Variants in ALMS1 observed in about 807,000 individuals in gnomAD.
ALMS1 encodes centrosome-associated protein ALMS1.
In ALMS1, 271 loss-of-function variants were observed where a neutral mutation model predicts 352.2. That is an observed-to-expected ratio of 0.77 (90% CI 0.70 to 0.85). ALMS1 has a LOEUF of 0.85. ALMS1 is among the 40% of genes least tolerant of loss of function. ALMS1 has a pLI of 0.00. For missense variants in ALMS1, 5,445 were observed against 4,870.7 expected (o/e 1.12, Z -3.51); for synonymous variants, 1,865 against 1,761.2 (o/e 1.06, Z -1.48).
At position 73,532,564 on chromosome 2, in the gene ALMS1, C is replaced by T. The variant is rs186142539; in HGVS notation, c.9782-2260C>T. ...CCTACCACTGATATTCATTCAAGGC[C>T]CAAGGGCTCTTTCGTCACCTTGGGT... is the stretch of plus-strand genomic sequence containing the variant. On this transcript the variant is annotated intron_variant, in intron 11 of 22. Transcript: ENST00000613296. Among the ~76,000 whole-genome samples, 18 of 152,228 alleles carry T rather than the reference C, an allele frequency of 1.2e-4. No homozygotes were observed. In the East Asian group the frequency reaches 2.3e-3, roughly 20 times the overall value.
chr2:73,472,417 A>G (rs1672486382), intron 9 of ALMS1, among the ~76,000 whole-genome samples: 1 of 152,116 alleles, frequency 6.6e-6, no homozygotes, highest in Non-Finnish European at 1.5e-5. Flanking sequence ...AATATGATAA[A>G]GAATATGTAT....
rs797045228 is a variant in ALMS1 at position 73,450,679 on chromosome 2, T to TA, written c.4153dup (p.Thr1385AsnfsTer15). On this transcript the variant is annotated frameshift_variant, in exon 8 of 23. Coordinates refer to ENST00000613296, the MANE Select transcript of ALMS1 (RefSeq NM_001378454.1). LOFTEE classifies it high-confidence loss of function. ...TAACCTCTACTTCTTACTCACAACA[T>TA]ACAGAGAAGCCGAGTATTTTCTACC... 31 of 1,611,742 alleles carry TA rather than the reference T, an allele frequency of 1.9e-5. No homozygotes were observed. The highest frequency in any genetic ancestry group is 2.5e-5 in the Non-Finnish European group (30 of 1,179,536).
At chr2:73,540,867 G>C (rs1009619812) in intron 12 of ALMS1, among the ~76,000 whole-genome samples, 8 of 152,166 alleles carry the variant, frequency 5.3e-5, no homozygotes, top group East Asian at 1.9e-4. Flanking sequence ...CACCCAGATT[G>C]ATAAAGCAAG....
chr2:73,385,831 TC>T, upstream of ALMS1: 1 of 355,820 alleles, frequency 2.8e-6, no homozygotes, highest in Non-Finnish European at 5.3e-6. Context: ...CCTCCCCCCC[TC>T]CTCCTCCTCC....
chr2:73,417,091 T>TCA (rs1671194628), intron 2 of ALMS1, among the ~76,000 whole-genome samples: 1 of 151,778 alleles, frequency 6.6e-6, no homozygotes, highest in African/African-American at 2.4e-5. Context: ...AAAGCCTGTC[T>TCA]CACACACACA....
Position 73,424,784 on chromosome 2 carries a change from TG to T in ALMS1, c.1120del (p.Asp374ThrfsTer2). On this transcript the variant is annotated frameshift_variant, in exon 5 of 23. Coordinates refer to ENST00000613296, the MANE Select transcript of ALMS1 (RefSeq NM_001378454.1). LOFTEE classifies it high-confidence loss of function. ...ATCAAGTTTCAGTTGCAACTTCATT[TG>T]ACATAACTGATGAAAACATAGCTAC... ...KDQVSVATSF[D>X]ITDENIATKR... The T allele has an allele frequency of 6.2e-7, 1 of 1,613,446 alleles. No individual in the cohort carries two copies. Among genetic ancestry groups the T allele is most frequent in the South Asian group, 1.1e-5 (1 of 91,022 alleles).
In ALMS1 at chr2:73,449,401, C is replaced by G. The variant is rs541122374; in HGVS notation, c.2874C>G (p.Ser958Arg). Residue 958 changes from serine to arginine, a missense_variant, in exon 8 of 23, where the codon AGC (serine) becomes AGG (arginine). Coordinates refer to ENST00000613296, the MANE Select transcript of ALMS1 (RefSeq NM_001378454.1). ...PTVSSNSHSH[S>R]EKSSVFYQQE... ...TGTCCTCTAATTCTCACTCACATAG[C>G]GAGAAATCTAGTGTTTTCTACCAGC... The G allele has an allele frequency of 6.2e-7, 1 of 1,613,960 alleles. No homozygotes were observed. The highest frequency in any genetic ancestry group is 1.3e-5 in the African/African-American group (1 of 74,988).
intron 2 of ALMS1, among the ~76,000 whole-genome samples, chr2:73,410,084 A>G (rs1365127241): frequency 6.6e-6 from 1 of 152,158 alleles, no homozygotes; most frequent in Non-Finnish European, 1.5e-5. Context: ...TCAAATGTTA[A>G]TCTCATTCAT....
At chr2:73,419,372 G>A (rs955118679) in intron 3 of ALMS1, 54 bp downstream of exon 3, 25 of 1,549,008 alleles carry the variant, frequency 1.6e-5, no homozygotes, top group Admixed American at 3.3e-5. Flanking sequence ...TAAGTTTTGC[G>A]GGGACTGCAA....
chr2:73,450,426 C>A lies in ALMS1; in HGVS notation c.3899C>A (p.Ser1300Ter), dbSNP rs769219669. 6.2e-7 allele frequency: 1 copy of A among 1,613,700 alleles called. No individual in the cohort carries two copies. Among genetic ancestry groups the A allele is most frequent in the East Asian group, 2.2e-5 (1 of 44,866 alleles). Residue 1300 changes from serine to a stop codon, truncating the protein, a stop_gained, in exon 8 of 23, where the codon TCG (serine) becomes TAG (stop). Coordinates refer to ENST00000613296, the MANE Select transcript of ALMS1 (RefSeq NM_001378454.1). LOFTEE classifies it high-confidence loss of function. The part of the protein sequence containing the change: ...REKPSIFYQQ[S>*]LPSSHLTEEA... ...AAGCCCAGCATTTTCTACCAACAGT[C>A]GTTGCCAAGTAGTCATCTAACTGAA...
intron 1 of ALMS1, among the ~76,000 whole-genome samples, chr2:73,395,056 A>G (rs151003386): frequency 0.099 from 9,751 of 98,592 alleles, 513 homozygotes; most frequent in Non-Finnish European, 0.12. Flanking sequence ...ATATATATAT[A>G]TGTGTATATA....
Position 73,386,187 on chromosome 2 carries a change from G to C in ALMS1, c.319G>C (p.Glu107Gln), listed in dbSNP as rs1391090914. 9.1e-6 allele frequency: 14 copies of C among 1,538,696 alleles called. No homozygotes were observed. Among genetic ancestry groups the C allele is most frequent in the Non-Finnish European group, 1.1e-5 (12 of 1,140,228 alleles). ...RYSEGERTSL[E>Q]KIVPLTCHVW... Reference sequence around the variant, plus strand: ...CTCGGAGGGCGAGCGGACCTCCCTGGAGAAGGTGAGGCGGGCCGGGGAGGG... The same window carrying C: ...CTCGGAGGGCGAGCGGACCTCCCTGCAGAAGGTGAGGCGGGCCGGGGAGGG... Residue 107 changes from glutamate to glutamine, a missense_variant, in exon 1 of 23, where the codon GAG becomes CAG. Coordinates refer to ENST00000613296, the MANE Select transcript of ALMS1 (RefSeq NM_001378454.1).
At chr2:73,563,308 T>G (rs1674705176) in intron 15 of ALMS1, among the ~76,000 whole-genome samples, 2 of 152,158 alleles carry the variant, frequency 1.3e-5, no homozygotes, top group Non-Finnish European at 2.9e-5. Context: ...TTATACTGAT[T>G]TGCAATCCAC....
intron 1 of ALMS1, among the ~76,000 whole-genome samples, chr2:73,386,560 G>C (rs1670538868): frequency 6.6e-6 from 1 of 152,128 alleles, no homozygotes. Flanking sequence ...GCATCTTGTT[G>C]GGGAGACAGT....
intron 7 of ALMS1, among the ~76,000 whole-genome samples, chr2:73,433,226 T>A (rs1052469027): frequency 6.6e-6 from 1 of 152,204 alleles, no homozygotes. Flanking sequence ...AATCTCTGAT[T>A]TGTTTTTCCT....
At position 73,448,633 on chromosome 2, in the gene ALMS1, T is replaced by A. The variant is rs1558647749; in HGVS notation, c.2106T>A (p.Ala702=). Residue 702 remains alanine (A), a synonymous_variant, in exon 8 of 23, where the codon GCT becomes GCA. Transcript: ENST00000613296. ...AAGTCTCAGCTGTGTCTGGACCAGC[T>A]GACCAGAAGACTGGGACAGCAACAG... ...ALKVSAVSGP[A]DQKTGTATVL... is the part of the protein sequence containing the mutation. 7 of 1,613,894 alleles carry A rather than the reference T, an allele frequency of 4.3e-6. No homozygotes were observed. Among genetic ancestry groups the A allele is most frequent in the Non-Finnish European group, 5.9e-6 (7 of 1,179,930 alleles).
chr2:73,574,607 C>G (rs1675013880), intron 16 of ALMS1, among the ~76,000 whole-genome samples: 1 of 151,958 alleles, frequency 6.6e-6, no homozygotes, highest in African/African-American at 2.4e-5. Flanking sequence ...ATTATTTCTC[C>G]TCATTGAGCT....
At chr2:73,403,114 G>A (rs1415940420) in intron 1 of ALMS1, among the ~76,000 whole-genome samples, 10 of 152,184 alleles carry the variant, frequency 6.6e-5, no homozygotes, top group Non-Finnish European at 1.5e-5. Context: ...GCCAAGACAA[G>A]TGTCAAGGAG....
At chr2:73,463,675 A>G (rs1243943281) in intron 9 of ALMS1, among the ~76,000 whole-genome samples, 1 of 127,354 alleles carries the variant, frequency 7.9e-6, no homozygotes. Flanking sequence ...TGGTTTTTTG[A>G]AAGGATCAAC....
Sources: allele counts gnomAD v4.1 joint callset (sites outside exome capture counted in the v4.1 genomes callset), GRCh38; gene constraint gnomAD v4.1.1; transcripts MANE v1.5; gene names NCBI Gene and HGNC (gene_info 2026-07-23, HGNC 2026-07-21).